The following CSMD1 variants were observed in gnomAD, a reference collection of about 807,000 sequenced individuals.
CSMD1 encodes the protein CUB and Sushi multiple domains 1, also known as CUB and sushi domain-containing protein 1.
In CSMD1, 213 loss-of-function variants were observed where a neutral mutation model predicts 417.5. The ratio of observed to expected loss-of-function variants is 0.51; its 90% confidence interval spans 0.46 to 0.57. The LOEUF is 0.57. CSMD1 is among the 20% of genes least tolerant of loss of function. CSMD1 has a pLI of 0.00. For synonymous variants in CSMD1, 2,862 were observed against 1,736.8 expected (o/e 1.65, Z -16.11); for missense variants, 6,923 against 4,529.7 (o/e 1.53, Z -15.17).
chr8:3,912,199 G>C (rs546434553), intron 5 of CSMD1, among the ~76,000 whole-genome samples: 3 of 152,080 alleles, frequency 2.0e-5, no homozygotes, highest in African/African-American at 4.8e-5. Context: ...CAGAGAAATC[G>C]TTTTCTAACT....
At position 3,750,410 on chromosome 8, in the gene CSMD1, G is replaced by A. The variant is rs1363293392; in HGVS notation, c.931+3520C>T. On this transcript the variant is annotated intron_variant, in intron 6 of 69. Transcript: ENST00000635120. ...CAAGTTGTTTGACAACATTTGGAAA[G>A]ATGAAAATAACACAATAATGTTTAC... Among the ~76,000 whole-genome samples, 4 of 151,142 alleles carry A rather than the reference G, an allele frequency of 2.6e-5. No individual in the cohort carries two copies. The East Asian group carries it at 7.7e-4, about 29-fold the overall frequency.
At chr8:4,212,826 G>A (rs914359559) in intron 3 of CSMD1, among the ~76,000 whole-genome samples, 1 of 140,394 alleles carries the variant, frequency 7.1e-6, no homozygotes, top group Non-Finnish European at 1.5e-5. Context: ...TCATGGACTG[G>A]CATTTGGGAA....
intron 3 of CSMD1, among the ~76,000 whole-genome samples, chr8:4,034,269 T>C (rs190460870): frequency 2.6e-5 from 4 of 152,316 alleles, no homozygotes; most frequent in Admixed American, 2.0e-4. Context: ...AGGAAATAAA[T>C]ACTAGTGTTT....
At chr8:3,581,482 C>G (rs1214002199) in intron 9 of CSMD1, among the ~76,000 whole-genome samples, 1 of 152,188 alleles carries the variant, frequency 6.6e-6, no homozygotes, top group Admixed American at 6.5e-5. Context: ...ACACCAGCCT[C>G]CAGATGGAAG....
At chr8:3,060,794 C>G (rs895722746) in intron 49 of CSMD1, among the ~76,000 whole-genome samples, 4 of 152,116 alleles carry the variant, frequency 2.6e-5, no homozygotes, top group Non-Finnish European at 5.9e-5. Context: ...AGAGCTCTTT[C>G]TTTGTGAATG....
intron 4 of CSMD1, among the ~76,000 whole-genome samples, chr8:4,003,069 T>C (rs1373481599): frequency 6.6e-6 from 1 of 152,108 alleles, no homozygotes; most frequent in African/African-American, 2.4e-5. Context: ...CAGGGGGATA[T>C]TATTTATACT....
At chr8:4,770,806 C>G (rs765152885) in intron 1 of CSMD1, among the ~76,000 whole-genome samples, 4 of 152,030 alleles carry the variant, frequency 2.6e-5, no homozygotes, top group African/African-American at 7.2e-5. Flanking sequence ...TAAAAATCAA[C>G]TCAAAATGAA....
At chr8:3,790,276 A>C (rs1799662580) in intron 5 of CSMD1, among the ~76,000 whole-genome samples, 1 of 152,218 alleles carries the variant, frequency 6.6e-6, no homozygotes, top group South Asian at 2.1e-4. Flanking sequence ...GAAATAACAG[A>C]AAACAAGATG....
At position 4,239,227 on chromosome 8, in the gene CSMD1, C is replaced by T. The variant is rs867430832; in HGVS notation, c.415+180726G>A. Among the ~76,000 whole-genome samples the T allele has an allele frequency of 2.6e-5, 4 of 152,308 alleles. 1 individual carries two copies. In the South Asian group the frequency reaches 8.3e-4, roughly 32 times the overall value. On this transcript the variant is annotated intron_variant, in intron 3 of 69. Transcript: ENST00000635120. ...GTTGAGTCTCACGTTTCACATCCTG[C>T]CAAACTCAGAATTCCATTACAGTGG...
At chr8:3,967,783 T>C (rs945761482) in intron 5 of CSMD1, among the ~76,000 whole-genome samples, 5 of 152,052 alleles carry the variant, frequency 3.3e-5, no homozygotes. Flanking sequence ...ACTAACTACC[T>C]TAATCTACAT....
intron 3 of CSMD1, among the ~76,000 whole-genome samples, chr8:4,091,829 A>C (rs1800737405): frequency 6.6e-6 from 1 of 152,178 alleles, no homozygotes; most frequent in South Asian, 2.1e-4. Context: ...CTTAAAATGG[A>C]CTATTTAGCA....
chr8:4,032,982 T>A (rs1222822525), intron 3 of CSMD1, among the ~76,000 whole-genome samples: 1 of 151,996 alleles, frequency 6.6e-6, no homozygotes, highest in Non-Finnish European at 1.5e-5. Flanking sequence ...ACACTGACAA[T>A]CTGTTTGCGG....
chr8:3,497,641 T>G (rs1796422298), intron 10 of CSMD1, among the ~76,000 whole-genome samples: 1 of 152,242 alleles, frequency 6.6e-6, no homozygotes, highest in South Asian at 2.1e-4. Context: ...GGTTTCTGTT[T>G]GCATGGACTA....
chr8:4,045,200 G>T (rs1316409361), intron 3 of CSMD1, among the ~76,000 whole-genome samples: 2 of 152,132 alleles, frequency 1.3e-5, no homozygotes, highest in African/African-American at 4.8e-5. Context: ...CATCTCTGAG[G>T]AACCCACAAT....
At chr8:3,717,896 G>A (rs1034859397) in intron 6 of CSMD1, among the ~76,000 whole-genome samples, 2 of 152,034 alleles carry the variant, frequency 1.3e-5, no homozygotes, top group Non-Finnish European at 2.9e-5. Context: ...CAGTTTCCAA[G>A]AATAATTTGC....
At chr8:4,622,016 G>C (rs1349492799) in intron 2 of CSMD1, among the ~76,000 whole-genome samples, 2 of 151,850 alleles carry the variant, frequency 1.3e-5, no homozygotes, top group Non-Finnish European at 2.9e-5. Context: ...CTAATGATAG[G>C]AAACTTTCTC....
chr8:4,834,908 G>C (rs1449736578), intron 1 of CSMD1, among the ~76,000 whole-genome samples: 2 of 133,454 alleles, frequency 1.5e-5, no homozygotes, highest in African/African-American at 5.8e-5. Flanking sequence ...AGTGATCTGA[G>C]ATGGCGCCAC....
intron 21 of CSMD1, among the ~76,000 whole-genome samples, chr8:3,348,374 TA>T (rs1295430858): frequency 3.3e-5 from 5 of 152,222 alleles, no homozygotes; most frequent in African/African-American, 1.2e-4. Context: ...AAAATTGTCT[TA>T]TTAACAGAAT....
intron 30 of CSMD1, among the ~76,000 whole-genome samples, chr8:3,210,034 A>C (rs1470599392): frequency 2.0e-5 from 3 of 152,180 alleles, no homozygotes; most frequent in African/African-American, 7.2e-5. Flanking sequence ...ACCAGGAAAA[A>C]CATTACCCCA....
Sources: gnomAD v4.1 joint callset for allele counts (sites outside exome capture counted in the v4.1 genomes callset) on GRCh38, gnomAD v4.1.1 for gene constraint, MANE v1.5 for transcripts, NCBI Gene and HGNC (gene_info 2026-07-23, HGNC 2026-07-21) for gene names.